HLCS: variants seen among roughly 807,000 people sequenced by gnomAD.
The protein encoded by HLCS is holocarboxylase synthetase.
Under a neutral mutation model 75.0 loss-of-function variants are expected in HLCS, and 53 were observed. The ratio of observed to expected loss-of-function variants is 0.71; its 90% CI spans 0.57 to 0.89. The LOEUF (loss-of-function observed/expected upper bound fraction) is 0.89, where lower values mean the gene tolerates loss of function less well. Ranked by LOEUF, HLCS falls within the 40% of genes least tolerant of loss-of-function variation. HLCS has a pLI of 0.00. For synonymous variants in HLCS, 431 were observed against 428.6 expected (o/e 1.01, Z -0.07); for missense variants, 966 against 1,074.0 (o/e 0.90, Z 1.41).
intron 6 of HLCS, among the ~76,000 whole-genome samples, chr21:36,871,916 G>C (rs2063782638): frequency 6.6e-6 from 1 of 152,172 alleles, no homozygotes; most frequent in Admixed American, 6.5e-5. Flanking sequence ...TCAGGAAAAT[G>C]CAGATTGAAA....
chr21:36,933,094 G>A (rs1447217691), intron 4 of HLCS, among the ~76,000 whole-genome samples: 3 of 152,100 alleles, frequency 2.0e-5, no homozygotes, highest in East Asian at 3.9e-4. Flanking sequence ...CTCCAGCCTG[G>A]GTGACAGAGT....
intron 6 of HLCS, among the ~76,000 whole-genome samples, chr21:36,814,629 T>G (rs1031300695): frequency 2.0e-5 from 3 of 152,106 alleles, no homozygotes; most frequent in South Asian, 4.2e-4. Flanking sequence ...GGGGTAGAGG[T>G]GAGAAAAGGG....
At chr21:36,838,444 G>A (rs926108553) in intron 6 of HLCS, among the ~76,000 whole-genome samples, 1 of 152,136 alleles carries the variant, frequency 6.6e-6, no homozygotes, top group Non-Finnish European at 1.5e-5. Flanking sequence ...AGTGGTTCAT[G>A]CCTGTAATCT....
chr21:36,890,731 C>A (rs2064747081), intron 6 of HLCS, among the ~76,000 whole-genome samples: 1 of 152,142 alleles, frequency 6.6e-6, no homozygotes, highest in South Asian at 2.1e-4. Context: ...AAAAATCTGT[C>A]AGAAATCTCC....
intron 6 of HLCS, among the ~76,000 whole-genome samples, chr21:36,776,075 A>G (rs2060348986): frequency 6.6e-6 from 1 of 152,212 alleles, no homozygotes; most frequent in Non-Finnish European, 1.5e-5. Flanking sequence ...AGAAATTCAA[A>G]TCATGTTCTG....
chr21:36,750,268 CA>C lies in HLCS; in HGVS notation c.*3977del, dbSNP rs1434905676. On this transcript the variant is annotated 3_prime_UTR_variant, in exon 11 of 11. Coordinates refer to ENST00000674895, the MANE Select transcript of HLCS (RefSeq NM_001352514.2). ...TAGGCCCTAACATGTACCATGTTGA[CA>C]AAAATGCCAGATCAAATGGATTTGA... is the stretch of plus-strand genomic sequence containing the variant. Among the ~76,000 whole-genome samples the C allele has an allele frequency of 1.3e-5, 2 of 152,158 alleles. No individual in the cohort carries two copies. The highest frequency in any genetic ancestry group is 4.8e-5 in the African/African-American group (2 of 41,438).
intron 6 of HLCS, among the ~76,000 whole-genome samples, chr21:36,875,676 T>C (rs951768367): frequency 6.6e-5 from 10 of 152,214 alleles, no homozygotes; most frequent in Non-Finnish European, 1.2e-4. Context: ...TGCCACTCAA[T>C]GAAGCTTCTC....
At chr21:36,817,494 A>T (rs2061697229) in intron 6 of HLCS, among the ~76,000 whole-genome samples, 1 of 152,068 alleles carries the variant, frequency 6.6e-6, no homozygotes, top group South Asian at 2.1e-4. Flanking sequence ...AGATCTCCTA[A>T]TTCTCCAACA....
chr21:36,789,052 TTTTG>T (rs1005268896), intron 6 of HLCS, among the ~76,000 whole-genome samples: 8 of 152,212 alleles, frequency 5.3e-5, no homozygotes, highest in African/African-American at 9.6e-5. Context: ...CTTCTTTTAA[TTTTG>T]TTTGTTTGTT....
At chr21:36,935,710 G>A (rs764894500) in intron 4 of HLCS, among the ~76,000 whole-genome samples, 1 of 152,072 alleles carries the variant, frequency 6.6e-6, no homozygotes, top group African/African-American at 2.4e-5. Context: ...TCAATGACAA[G>A]GAATTCTGAA....
At chr21:36,793,258 C>T (rs575241868) in intron 6 of HLCS, among the ~76,000 whole-genome samples, 6 of 150,356 alleles carry the variant, frequency 4.0e-5, no homozygotes, top group South Asian at 4.2e-4. Context: ...GTGTGCCTGT[C>T]GGAGGGCTCG....
Position 36,768,558 on chromosome 21 carries a change from A to T in HLCS, c.1893-1273T>A, listed in dbSNP as rs905853216. ...GCCTCAGTTGGGACAGAAGGAGCCC[A>T]GAAGACCCTTCACGTGTTAAAAAGA... On this transcript the variant is annotated intron_variant, in intron 6 of 10. Coordinates refer to ENST00000674895, the MANE Select transcript of HLCS (RefSeq NM_001352514.2). Among the ~76,000 whole-genome samples, 25 of 152,356 alleles carry T rather than the reference A, an allele frequency of 1.6e-4. 1 individual carries two copies. Among genetic ancestry groups the T allele is most frequent in the Admixed American group, 9.2e-4 (14 of 15,300 alleles).
chr21:36,823,064 A>G (rs1478506038), intron 6 of HLCS, among the ~76,000 whole-genome samples: 1 of 152,216 alleles, frequency 6.6e-6, no homozygotes, highest in Non-Finnish European at 1.5e-5. Flanking sequence ...AACAATGACT[A>G]ATAGCCTTTT....
intron 6 of HLCS, among the ~76,000 whole-genome samples, chr21:36,828,434 C>G (rs987339861): frequency 1.1e-4 from 16 of 152,072 alleles, no homozygotes; most frequent in African/African-American, 3.9e-4. Context: ...TCACTGGAGT[C>G]GGCAGGATCA....
At chr21:36,792,964 G>A (rs1387757871) in intron 6 of HLCS, among the ~76,000 whole-genome samples, 1 of 152,140 alleles carries the variant, frequency 6.6e-6, no homozygotes, top group East Asian at 1.9e-4. Flanking sequence ...CATCCATTTG[G>A]TTTTGTTTCC....
In HLCS at chr21:36,936,841, C is replaced by A. The variant is rs148324626; in HGVS notation, c.1045G>T (p.Glu349Ter). The change falls in exon 4 of 11, where the codon GAG becomes TAG. Residue 349 changes from glutamate (E) to a stop codon, truncating the protein, a stop_gained. Transcript: ENST00000674895. LOFTEE classifies it high-confidence loss of function. ...CACGGGTCTCTGAGAGCACTGTCCT[C>A]CAGCAGGTGGTAGAGAATATAACTG... ...IDSYILYHLLEDSALRDPWTD... is the reference protein window; with the variant it reads ...IDSYILYHLL The A allele has an allele frequency of 1.5e-5, 24 of 1,614,056 alleles. No individual in the cohort carries two copies. Among genetic ancestry groups the A allele is most frequent in the Non-Finnish European group, 2.0e-5 (24 of 1,180,040 alleles).
At chr21:36,874,443 T>C (rs2063889908) in intron 6 of HLCS, among the ~76,000 whole-genome samples, 1 of 151,716 alleles carries the variant, frequency 6.6e-6, no homozygotes, top group African/African-American at 2.4e-5. Flanking sequence ...ATAAATAAAT[T>C]AAAAAGCCAA....
Position 36,989,050 on chromosome 21 carries a change from T to TTTA in HLCS, c.-393+1107_-393+1108insTAA, listed in dbSNP as rs1569279196. 6.3e-3 allele frequency among the ~76,000 whole-genome samples: 947 copies of TTTA among 150,082 alleles called. 12 individuals carry two copies. The highest frequency in any genetic ancestry group is 0.023 in the African/African-American group (922 of 40,942). On this transcript the variant is annotated intron_variant, in intron 1 of 11. Transcript: ENST00000336648. The stretch of plus-strand genomic sequence containing the variant: ...ATTTTATTTATTTATTTATTTATTT[T>TTTA]TTTTGAGACAGGGTCTCACTCCCTC...
Position 36,842,831 on chromosome 21 carries a change from C to A in HLCS, c.1892+54029G>T, listed in dbSNP as rs1013400997. 2.6e-5 allele frequency among the ~76,000 whole-genome samples: 4 copies of A among 152,212 alleles called. No individual in the cohort carries two copies. Among genetic ancestry groups the A allele is most frequent in the Admixed American group, 2.6e-4 (4 of 15,276 alleles). ...ATCCAGGGTAGCCCACACCACCCTACTCTGAGGCCCTGAAAAATTCTGCAG... is the reference window on the plus strand; with the variant it reads ...ATCCAGGGTAGCCCACACCACCCTAATCTGAGGCCCTGAAAAATTCTGCAG... On this transcript the variant is annotated intron_variant, in intron 6 of 10. Coordinates refer to ENST00000674895, the MANE Select transcript of HLCS (RefSeq NM_001352514.2). The surrounding 1 kb of genome is among the most constrained non-coding windows in gnomAD (Gnocchi z 4.2).
Sources: allele counts gnomAD v4.1 joint callset (sites outside exome capture counted in the v4.1 genomes callset), GRCh38; gene constraint gnomAD v4.1.1; non-coding constraint Gnocchi (gnomAD v3.1); transcripts MANE v1.5; gene names NCBI Gene and HGNC (gene_info 2026-07-23, HGNC 2026-07-21).